Variants in RBFOX2 observed in about 807,000 individuals in gnomAD.
RBFOX2 encodes the protein RNA binding protein fox-1 homolog 2.
A neutral mutation model predicts 49.1 loss-of-function variants in RBFOX2; 10 were observed. The ratio of observed to expected loss-of-function variants is 0.20; its 90% CI spans 0.13 to 0.35. RBFOX2 has a LOEUF of 0.35. Ranked by LOEUF, RBFOX2 falls within the 10% of genes least tolerant of loss-of-function variation. The pLI is 1.00. For missense variants in RBFOX2, 323 were observed against 486.9 expected, an observed-to-expected ratio of 0.66 and a Z score of 3.17; for synonymous variants, 183 against 187.4, an observed-to-expected ratio of 0.98 and a Z score of 0.19.
In RBFOX2 at chr22:36,011,375, C is replaced by G. The variant is rs182447798; in HGVS notation, c.186+16865G>C. On this transcript the variant is annotated intron_variant, in intron 1 of 13. Coordinates refer to the RBFOX2 transcript ENST00000438146. ...GGGATTTCATGATTCCATTAAAACACAGAATCATATTATTTGAGGTCCTGT... is the reference window on the plus strand; with the variant it reads ...GGGATTTCATGATTCCATTAAAACAGAGAATCATATTATTTGAGGTCCTGT... 1.4e-4 allele frequency among the ~76,000 whole-genome samples: 21 copies of G among 152,246 alleles called. No individual in the cohort carries two copies. The East Asian group carries it at 4.1e-3, about 29-fold the overall frequency.
chr22:36,004,387 C>T (rs553085321), intron 1 of RBFOX2, among the ~76,000 whole-genome samples: 60 of 152,322 alleles, frequency 3.9e-4, no homozygotes, highest in African/African-American at 1.3e-3. Flanking sequence ...TCCTGCTGTC[C>T]TTTGTTTTCT....
intron 9 of RBFOX2, chr22:35,748,082 T>C (rs1045491050): frequency 6.6e-6 from 1 of 152,210 alleles, no homozygotes; most frequent in Admixed American, 6.5e-5. Flanking sequence ...CCTTATATAA[T>C]TTATGCTTTC....
At chr22:35,792,558 CCTA>C (rs1381396822) in intron 2 of RBFOX2, among the ~76,000 whole-genome samples, 1 of 152,004 alleles carries the variant, frequency 6.6e-6, no homozygotes, top group East Asian at 1.9e-4. Flanking sequence ...AACATCATAG[CCTA>C]CTAAGTATTT....
chr22:35,813,754 C>T (rs1001874775), intron 1 of RBFOX2, among the ~76,000 whole-genome samples: 1 of 152,178 alleles, frequency 6.6e-6, no homozygotes, highest in African/African-American at 2.4e-5. Flanking sequence ...AAGTGTTAAA[C>T]ATTTATGAAA....
At chr22:35,778,608 A>G (rs1490615778) in intron 3 of RBFOX2, among the ~76,000 whole-genome samples, 4 of 152,104 alleles carry the variant, frequency 2.6e-5, no homozygotes, top group South Asian at 2.1e-4. Context: ...AGAGATAAGT[A>G]ACTATAGACA....
upstream of RBFOX2, among the ~76,000 whole-genome samples, chr22:35,939,897 A>G (rs915100753): frequency 2.6e-5 from 4 of 152,220 alleles, no homozygotes; most frequent in African/African-American, 9.6e-5. Context: ...GAACTTTTAA[A>G]TGAGGGAAGA....
At chr22:35,776,179 T>G (rs1943877206) in intron 4 of RBFOX2, among the ~76,000 whole-genome samples, 1 of 152,190 alleles carries the variant, frequency 6.6e-6, no homozygotes, top group Admixed American at 6.5e-5. Flanking sequence ...CCACTGTCAT[T>G]TTCCCACCTT....
chr22:35,900,918 T>C (rs1356112223), intron 1 of RBFOX2, among the ~76,000 whole-genome samples: 2 of 152,210 alleles, frequency 1.3e-5, no homozygotes, highest in Non-Finnish European at 2.9e-5. Context: ...AAGGCGTAGA[T>C]ATGGCTGCCA....
chr22:35,861,541 C>T (rs920700036), intron 1 of RBFOX2, among the ~76,000 whole-genome samples: 34 of 152,022 alleles, frequency 2.2e-4, no homozygotes, highest in Admixed American at 2.6e-4. Context: ...AGTAAACAAG[C>T]GCATGAAAAG....
At chr22:35,849,326 C>CACACACAG (rs769498225) in intron 1 of RBFOX2, among the ~76,000 whole-genome samples, 1 of 148,520 alleles carries the variant, frequency 6.7e-6, no homozygotes, top group Non-Finnish European at 1.5e-5. Context: ...CACACACACA[C>CACACACAG]ACACACAGAC....
Position 36,001,943 on chromosome 22 carries a change from A to C in RBFOX2, c.186+26297T>G, listed in dbSNP as rs180774324. ...GCCAGGCGTGGTGGCAGGCGCCTAT[A>C]ATCCCAGCTACTTGGGAGGCTGAGG... On this transcript the variant is annotated intron_variant, in intron 1 of 13. Transcript: ENST00000438146. Among the ~76,000 whole-genome samples the C allele has an allele frequency of 2.7e-4, 41 of 152,280 alleles. No individual in the cohort carries two copies. In the East Asian group the frequency reaches 4.8e-3, roughly 18 times the overall value.
At chr22:35,965,712 A>T (rs2056518700), upstream of RBFOX2, among the ~76,000 whole-genome samples, 1 of 152,204 alleles carries the variant, frequency 6.6e-6, no homozygotes, top group Admixed American at 6.5e-5. Context: ...CATTAACTTT[A>T]AAAAGCACCT....
At chr22:35,938,278 A>T (rs757583898) in intron 1 of RBFOX2, among the ~76,000 whole-genome samples, 3 of 152,214 alleles carry the variant, frequency 2.0e-5, no homozygotes, top group Non-Finnish European at 4.4e-5. Flanking sequence ...TGCCTAAACC[A>T]TACTGAGGGT....
chr22:35,806,740 G>T (rs897749864), intron 2 of RBFOX2, among the ~76,000 whole-genome samples: 6 of 152,110 alleles, frequency 3.9e-5, no homozygotes, highest in Non-Finnish European at 5.9e-5. Flanking sequence ...TTGACCAAAT[G>T]CTCCAATAAA....
intron 1 of RBFOX2, among the ~76,000 whole-genome samples, chr22:35,982,264 G>GT (rs972127004): frequency 6.6e-6 from 1 of 152,136 alleles, no homozygotes; most frequent in Non-Finnish European, 1.5e-5. Context: ...CATTAAACCA[G>GT]TATTTCTCTA....
chr22:35,977,713 C>A, intron 1 of RBFOX2, among the ~76,000 whole-genome samples: 2 of 106,018 alleles, frequency 1.9e-5, no homozygotes, highest in African/African-American at 7.6e-5. Context: ...TAAATTATAC[C>A]TGAATGAACT....
intron 1 of RBFOX2, among the ~76,000 whole-genome samples, chr22:35,834,659 C>T (rs1957341876): frequency 6.6e-6 from 1 of 152,024 alleles, no homozygotes; most frequent in African/African-American, 2.4e-5. Flanking sequence ...AGTGGGAAGA[C>T]ATTTTGGGCA....
chr22:35,843,458 C>A (rs1434146774), upstream of RBFOX2, among the ~76,000 whole-genome samples: 1 of 152,208 alleles, frequency 6.6e-6, no homozygotes, highest in Non-Finnish European at 1.5e-5. Context: ...AGTGTTTCAT[C>A]CAATCTCCAG....
chr22:36,020,400 G>T (rs1416652658), intron 1 of RBFOX2, among the ~76,000 whole-genome samples: 1 of 152,298 alleles, frequency 6.6e-6, no homozygotes, highest in East Asian at 1.9e-4. Context: ...TGACAAATGG[G>T]ATCTAATTAA....
Sources: allele counts gnomAD v4.1 joint callset (sites outside exome capture counted in the v4.1 genomes callset), GRCh38; gene constraint gnomAD v4.1.1; transcripts MANE v1.5; gene names NCBI Gene and HGNC (gene_info 2026-07-23, HGNC 2026-07-21).